The following SLC16A1 variants were observed in gnomAD, a reference collection of about 807,000 sequenced individuals.
The protein encoded by SLC16A1 is solute carrier family 16 member 1.
SLC16A1 carries 11 observed loss-of-function variants against 32.2 expected under a neutral mutation model. That is an observed-to-expected ratio of 0.34 (90% CI 0.21 to 0.56). The LOEUF is 0.56. Ranked by LOEUF, SLC16A1 falls within the 20% of genes least tolerant of loss-of-function variation. SLC16A1 has a pLI of 0.87. For missense variants in SLC16A1, 435 were observed against 615.0 expected, an observed-to-expected ratio of 0.71 and a Z score of 3.10; for synonymous variants, 231 against 226.8, an observed-to-expected ratio of 1.02 and a Z score of -0.17.
intron 2 of SLC16A1, among the ~76,000 whole-genome samples, chr1:112,927,272 A>C (rs1301373187): frequency 6.6e-6 from 1 of 152,124 alleles, no homozygotes; most frequent in Non-Finnish European, 1.5e-5. Flanking sequence ...GGAACTGATA[A>C]AATTTATACT....
intron 1 of SLC16A1, among the ~76,000 whole-genome samples, chr1:112,944,018 A>G (rs1165174728): frequency 6.6e-6 from 1 of 152,176 alleles, no homozygotes; most frequent in Non-Finnish European, 1.5e-5. Context: ...AAATAGGTAA[A>G]CAAATTAATT....
chr1:112,954,077 T>C (rs1649993716), intron 1 of SLC16A1, among the ~76,000 whole-genome samples: 1 of 152,208 alleles, frequency 6.6e-6, no homozygotes, highest in African/African-American at 2.4e-5. Context: ...TTGCCGAACA[T>C]ATAAAATTCA....
intron 1 of SLC16A1, among the ~76,000 whole-genome samples, chr1:112,948,870 G>T (rs1288058168): frequency 1.3e-5 from 2 of 151,846 alleles, no homozygotes; most frequent in African/African-American, 4.8e-5. Context: ...TCGCTCTGTT[G>T]CCCAGGCTGG....
At chr1:112,922,219 C>CT in intron 2 of SLC16A1, 86 bp from the exon 3 acceptor site, 1 of 1,300,708 alleles carries the variant, frequency 7.7e-7, no homozygotes, top group Admixed American at 1.8e-5. Context: ...ATGACAAATC[C>CT]TCCAAAATAA....
At chr1:112,938,209 A>G (rs2101642268) in intron 1 of SLC16A1, among the ~76,000 whole-genome samples, 1 of 152,336 alleles carries the variant, frequency 6.6e-6, no homozygotes, top group Middle Eastern at 3.4e-3. Flanking sequence ...ATAATCTGTT[A>G]ATGAGTGTAA....
chr1:112,941,397 T>A (rs776824053), intron 1 of SLC16A1, among the ~76,000 whole-genome samples: 1 of 150,896 alleles, frequency 6.6e-6, no homozygotes, highest in Non-Finnish European at 1.5e-5. Flanking sequence ...TTCTCCTGCC[T>A]CAGCCTCCCA....
At chr1:112,923,662 C>T in intron 2 of SLC16A1, 1 of 1,501,756 alleles carries the variant, frequency 6.7e-7, no homozygotes, top group Non-Finnish European at 9.3e-7. Flanking sequence ...CTGCAGTGTC[C>T]CCGAGTGGAC....
At chr1:112,949,153 G>A (rs970797266) in intron 1 of SLC16A1, among the ~76,000 whole-genome samples, 4 of 150,714 alleles carry the variant, frequency 2.7e-5, no homozygotes, top group Non-Finnish European at 5.9e-5. Flanking sequence ...AGGTTCAAGC[G>A]ATTCTCCTGC....
intron 1 of SLC16A1, among the ~76,000 whole-genome samples, chr1:112,943,922 G>T (rs1193757575): frequency 2.6e-5 from 4 of 152,110 alleles, no homozygotes; most frequent in African/African-American, 9.6e-5. Flanking sequence ...AAATCTGAGT[G>T]CCTGGAGTAA....
At position 112,948,868 on chromosome 1, in the gene SLC16A1, T is replaced by C. The variant is rs1349643316; in HGVS notation, c.-45+7167A>G. Among the ~76,000 whole-genome samples, 5 of 152,048 alleles carry C rather than the reference T, an allele frequency of 3.3e-5. No individual in the cohort carries two copies. The South Asian group carries it at 6.2e-4, about 19-fold the overall frequency. On this transcript the variant is annotated intron_variant, in intron 1 of 4. Coordinates refer to ENST00000369626, the MANE Select transcript of SLC16A1 (RefSeq NM_003051.4). ...TTTTTTGAGACAGAGTCTCGCTCTGTTGCCCAGGCTGGAGTGCAGTGGCGT... is the reference window on the plus strand; with the variant it reads ...TTTTTTGAGACAGAGTCTCGCTCTGCTGCCCAGGCTGGAGTGCAGTGGCGT...
At chr1:112,923,414 G>A in intron 2 of SLC16A1, 1 of 654,302 alleles carries the variant, frequency 1.5e-6, no homozygotes, top group East Asian at 2.9e-5. Flanking sequence ...GTCTCCTGTT[G>A]CCGCCATCAT....
intron 1 of SLC16A1, among the ~76,000 whole-genome samples, chr1:112,937,644 G>A (rs540562906): frequency 6.6e-6 from 1 of 152,236 alleles, no homozygotes; most frequent in African/African-American, 2.4e-5. Flanking sequence ...ATGAGAGCAG[G>A]CCCCCTTGCA....
chr1:112,945,982 ACT>A (rs1185130901), intron 1 of SLC16A1, among the ~76,000 whole-genome samples: 1 of 151,992 alleles, frequency 6.6e-6, no homozygotes, highest in Non-Finnish European at 1.5e-5. Context: ...CAAGAGCACA[ACT>A]CTGTCTCAAA....
intron 3 of SLC16A1, among the ~76,000 whole-genome samples, chr1:112,920,574 C>T (rs1239961615): frequency 6.6e-6 from 1 of 152,062 alleles, no homozygotes; most frequent in Non-Finnish European, 1.5e-5. Flanking sequence ...CCATAGCAGT[C>T]TAGCCTGGCA....
chr1:112,946,063 CCA>C (rs1477878864), intron 1 of SLC16A1, among the ~76,000 whole-genome samples: 1 of 152,108 alleles, frequency 6.6e-6, no homozygotes, highest in Non-Finnish European at 1.5e-5. Flanking sequence ...ATAGTATTTT[CCA>C]CACTACTGTG....
chr1:112,951,617 T>G (rs1649900727), intron 1 of SLC16A1, among the ~76,000 whole-genome samples: 1 of 152,030 alleles, frequency 6.6e-6, no homozygotes, highest in Admixed American at 6.6e-5. Flanking sequence ...AACAGCAAAG[T>G]CCTCCAAGAA....
At chr1:112,935,290 C>T (rs371684440) in intron 1 of SLC16A1, among the ~76,000 whole-genome samples, 3 of 152,212 alleles carry the variant, frequency 2.0e-5, no homozygotes, top group African/African-American at 7.2e-5. Flanking sequence ...TGGCACATGC[C>T]TGTAATTCCA....
intron 3 of SLC16A1, among the ~76,000 whole-genome samples, chr1:112,920,825 A>G (rs1648698907): frequency 6.6e-6 from 1 of 152,070 alleles, no homozygotes; most frequent in East Asian, 1.9e-4. Context: ...ACTGAATTTT[A>G]AAAATACTTT....
chr1:112,927,080 C>T (rs1648967175), intron 2 of SLC16A1, among the ~76,000 whole-genome samples: 1 of 138,936 alleles, frequency 7.2e-6, no homozygotes, highest in African/African-American at 2.7e-5. Flanking sequence ...GAGACATGAT[C>T]ATGCCACTGT....
Sources: gnomAD v4.1 joint callset for allele counts (sites outside exome capture counted in the v4.1 genomes callset) on GRCh38, gnomAD v4.1.1 for gene constraint, MANE v1.5 for transcripts, NCBI Gene and HGNC (gene_info 2026-07-23, HGNC 2026-07-21) for gene names.